Variants in GTPBP8 observed in about 807,000 individuals in gnomAD.
GTPBP8 encodes GTP-binding protein 8.
GTPBP8 carries 21 observed loss-of-function variants against 27.3 expected under a neutral mutation model. The observed-to-expected ratio is 0.77, with a 90% CI of 0.55 to 1.11. The LOEUF is 1.11. GTPBP8 is among the 50% of genes least tolerant of loss of function. The probability of loss-of-function intolerance (pLI) is 0.00; values close to 1 mark genes in which losing one functional copy is unlikely to be tolerated. For missense variants in GTPBP8, 380 were observed against 350.8 expected, an observed-to-expected ratio of 1.08 and a Z score of -0.67; for synonymous variants, 147 against 135.3, an observed-to-expected ratio of 1.09 and a Z score of -0.60.
Position 112,996,915 on chromosome 3 carries a change from T to C in GTPBP8, c.590T>C (p.Val197Ala). ...RRNLKRTFLL[V>A]DSVVGIQKTD... ...AGCTTGAAGAGAACATTTTTATTAGTGGATAGCGTTGTTGGAATTCAAAAA... is the reference window on the plus strand; with the variant it reads ...AGCTTGAAGAGAACATTTTTATTAGCGGATAGCGTTGTTGGAATTCAAAAA... Residue 197 changes from valine (V) to alanine (A), a missense_variant, in exon 4 of 6, where the codon GTG becomes GCG. Transcript: ENST00000383678. 1.3e-6 allele frequency: 2 copies of C among 1,551,244 alleles called. No homozygotes were observed. Among genetic ancestry groups the C allele is most frequent in the South Asian group, 1.1e-5 (1 of 89,176 alleles).
At position 113,001,061 on chromosome 3, in the gene GTPBP8, G is replaced by A. The variant is rs564709276; in HGVS notation, c.*142G>A. The A allele has an allele frequency of 3.6e-6, 2 of 553,546 alleles. No individual in the cohort carries two copies. The highest frequency in any genetic ancestry group is 1.9e-5 in the African/African-American group (1 of 51,846). 34.3% of individuals were successfully genotyped at this position (553,546 alleles called of 1,614,324 possible). On this transcript the variant is annotated 3_prime_UTR_variant, in exon 6 of 6. Transcript: ENST00000383678. ...GAGGATCACTTGAGCTTTAAAACCTGTGCCTTCTCGAAACAAGAATTTGTG... is the reference window on the plus strand; with the variant it reads ...GAGGATCACTTGAGCTTTAAAACCTATGCCTTCTCGAAACAAGAATTTGTG...
At chr3:112,995,694 G>A (rs1454411453) in intron 3 of GTPBP8, among the ~76,000 whole-genome samples, 2 of 151,968 alleles carry the variant, frequency 1.3e-5, no homozygotes, top group Admixed American at 1.3e-4. Context: ...ACGCCACCAT[G>A]CCCGGCTCAT....
intron 1 of GTPBP8, chr3:112,992,114 C>T (rs1193888093): frequency 2.0e-5 from 3 of 152,178 alleles, no homozygotes; most frequent in Admixed American, 2.0e-4. Flanking sequence ...TTTGAGACAG[C>T]CATTGCTTTT....
rs1559709239 is a variant in GTPBP8, at chr3:112,990,993, A to G, written c.-7A>G. On this transcript the variant is annotated 5_prime_UTR_variant, in exon 1 of 6. Coordinates refer to ENST00000383678, the MANE Select transcript of GTPBP8 (RefSeq NM_014170.4). ...AAATCTCTCTGCCCGTCTTCTGGGAAGGGAGAATGGCGGCGCCCGGGCTGC... is the reference window on the plus strand; with the variant it reads ...AAATCTCTCTGCCCGTCTTCTGGGAGGGGAGAATGGCGGCGCCCGGGCTGC... The G allele has an allele frequency of 6.3e-7, 1 of 1,583,474 alleles. No homozygotes were observed. The highest frequency in any genetic ancestry group is 1.7e-5 in the Admixed American group (1 of 57,502).
intron 2 of GTPBP8, among the ~76,000 whole-genome samples, chr3:112,993,654 C>T (rs1933728478): frequency 6.6e-6 from 1 of 152,208 alleles, no homozygotes; most frequent in East Asian, 1.9e-4. Context: ...CTAAGATACC[C>T]TTTCTTCAAA....
intron 2 of GTPBP8, among the ~76,000 whole-genome samples, chr3:112,994,520 CTG>C (rs1240166719): frequency 6.6e-6 from 1 of 151,924 alleles, no homozygotes; most frequent in East Asian, 1.9e-4. Flanking sequence ...TTTTCATCAT[CTG>C]TGCATCAATT....
chr3:112,991,030 G>A lies in GTPBP8; in HGVS notation c.31G>A (p.Gly11Arg), dbSNP rs777344238. Residue 11 changes from glycine (G) to arginine (R), a missense_variant, in exon 1 of 6, where the codon GGA becomes AGA. Coordinates refer to ENST00000383678, the MANE Select transcript of GTPBP8 (RefSeq NM_014170.4). ...GGCGCCCGGGCTGCGGCTGGGAGCG[G>A]GAAGACTCTTTGAAATGCCTGCGGT... MAAPGLRLGA[G>R]RLFEMPAVLE... 53 of 1,602,660 alleles carry A rather than the reference G, an allele frequency of 3.3e-5. No individual in the cohort carries two copies. The highest frequency in any genetic ancestry group is 4.4e-5 in the Non-Finnish European group (52 of 1,172,162).
chr3:112,997,938 T>C (rs979895989), intron 4 of GTPBP8, among the ~76,000 whole-genome samples: 1 of 152,224 alleles, frequency 6.6e-6, no homozygotes, highest in African/African-American at 2.4e-5. Context: ...AAAGGAAATA[T>C]TACTTTCTTC....
chr3:112,999,395 A>G lies in GTPBP8; in HGVS notation c.667-51A>G, dbSNP rs778258570. The G allele has an allele frequency of 4.8e-6, 3 of 629,710 alleles. No homozygotes were observed. In the African/African-American group the frequency reaches 5.6e-5, roughly 12 times the overall value. The allele number at this position is 629,710 out of a possible 1,614,324, so 39.0% of individuals were successfully genotyped here. Reference sequence around the variant, plus strand: ...AAAAATTATAGCTAAAATGTGTAAAATTATTAAGAACCACTTTATTTCTAA... The same window carrying G: ...AAAAATTATAGCTAAAATGTGTAAAGTTATTAAGAACCACTTTATTTCTAA... On this transcript the variant is annotated intron_variant, in intron 4 of 5. Coordinates refer to ENST00000383678, the MANE Select transcript of GTPBP8 (RefSeq NM_014170.4).
chr3:112,991,422 C>T, intron 1 of GTPBP8, 87 bp downstream of exon 1: 1 of 1,238,880 alleles, frequency 8.1e-7, no homozygotes, highest in Non-Finnish European at 1.2e-6. Context: ...GGTGATTTTG[C>T]GGTTGTATTT....
At position 113,000,920 on chromosome 3, in the gene GTPBP8, T is replaced by C; in HGVS notation, c.*1T>C. On this transcript the variant is annotated 3_prime_UTR_variant, in exon 6 of 6. Transcript: ENST00000383678. The stretch of plus-strand genomic sequence containing the variant: ...CAGTGTAACAGGAAGTCTTGACTAA[T>C]GGTTCCCGGTTTAGCTGAAGATTCA... 1.3e-6 allele frequency: 2 copies of C among 1,512,122 alleles called. No homozygotes were observed. The highest frequency in any genetic ancestry group is 1.8e-6 in the Non-Finnish European group (2 of 1,101,842). 93.7% of individuals were successfully genotyped at this position (1,512,122 alleles called of 1,614,324 possible).
rs777174482 is a variant in GTPBP8, at chr3:112,999,576, ATTGTT to A, written c.785+20_785+24del. 5 of 1,017,778 alleles carry A rather than the reference ATTGTT, an allele frequency of 4.9e-6. No individual in the cohort carries two copies. The highest frequency in any genetic ancestry group is 7.3e-6 in the Non-Finnish European group (5 of 684,946). 63.0% of individuals were successfully genotyped at this position (1,017,778 alleles called of 1,614,324 possible). On this transcript the variant is annotated intron_variant, in intron 5 of 5. Coordinates refer to ENST00000383678, the MANE Select transcript of GTPBP8 (RefSeq NM_014170.4). Reference sequence around the variant, plus strand: ...TTGTTTCCTGTAAGGTAAGAGTTGAATTGTTTTGTTTTTTGTTTTTTATGAAGTAA... The same window carrying A: ...TTGTTTCCTGTAAGGTAAGAGTTGAATTGTTTTTTGTTTTTTATGAAGTAA...
Position 113,001,584 on chromosome 3 carries a change from G to A in GTPBP8, c.*665G>A, listed in dbSNP as rs1199663424. ...GATTCAAATGAATGGTTTTACAGCA[G>A]GTAACATGTGAGAAGACAGCTACAT... On this transcript the variant is annotated 3_prime_UTR_variant, in exon 6 of 6. Coordinates refer to ENST00000383678, the MANE Select transcript of GTPBP8 (RefSeq NM_014170.4). The A allele has an allele frequency of 6.6e-6, 1 of 152,068 alleles. No homozygotes were observed. The highest frequency in any genetic ancestry group is 6.5e-5 in the Admixed American group (1 of 15,280). 9.4% of individuals were successfully genotyped at this position (152,068 alleles called of 1,614,324 possible).
Position 112,995,130 on chromosome 3 carries a change from A to G in GTPBP8, c.436-5A>G, listed in dbSNP as rs761494941. The G allele has an allele frequency of 1.8e-5, 28 of 1,583,662 alleles. No homozygotes were observed. Among genetic ancestry groups the G allele is most frequent in the Non-Finnish European group, 2.3e-5 (27 of 1,164,362 alleles). On this transcript the variant is annotated splice_polypyrimidine_tract_variant and splice_region_variant and intron_variant, in intron 2 of 5. Coordinates refer to ENST00000383678, the MANE Select transcript of GTPBP8 (RefSeq NM_014170.4). Reference sequence around the variant, plus strand: ...CAGCTTTTCTTTTTCTATTTACTTTATCAGGGACACACAAAGAAAATGAAT... The same window carrying G: ...CAGCTTTTCTTTTTCTATTTACTTTGTCAGGGACACACAAAGAAAATGAAT...
intron 3 of GTPBP8, among the ~76,000 whole-genome samples, chr3:112,995,945 T>C (rs1422962705): frequency 6.6e-6 from 1 of 152,210 alleles, no homozygotes; most frequent in Non-Finnish European, 1.5e-5. Context: ...GACATCACAT[T>C]TGCTGCAAAT....
intron 2 of GTPBP8, among the ~76,000 whole-genome samples, chr3:112,993,611 CT>C (rs1339952718): frequency 6.6e-6 from 1 of 152,206 alleles, no homozygotes; most frequent in Admixed American, 6.5e-5. Flanking sequence ...ATTCCCTCTA[CT>C]TTCTTCTCAA....
intron 3 of GTPBP8, among the ~76,000 whole-genome samples, chr3:112,995,739 G>A (rs1403850082): frequency 6.6e-6 from 1 of 152,076 alleles, no homozygotes; most frequent in East Asian, 1.9e-4. Context: ...GTTTCACTGT[G>A]TTGGCCAGGC....
intron 1 of GTPBP8, chr3:112,991,740 G>C (rs1933685829): frequency 2.7e-6 from 1 of 369,314 alleles, no homozygotes; most frequent in Non-Finnish European, 5.2e-6. Context: ...GGGAAAACAT[G>C]CCAGACAAAT....
Position 113,000,906 on chromosome 3 carries a change from G to T in GTPBP8, c.842G>T (p.Gly281Val). The T allele has an allele frequency of 6.4e-7, 1 of 1,560,024 alleles. No individual in the cohort carries two copies. Among genetic ancestry groups the T allele is most frequent in the Admixed American group, 1.7e-5 (1 of 58,432 alleles). ...AGATGCTTTATAGCCAGTGTAACAGGAAGTCTTGACTAATGGTTCCCGGTT... is the reference window on the plus strand; with the variant it reads ...AGATGCTTTATAGCCAGTGTAACAGTAAGTCTTGACTAATGGTTCCCGGTT... ...LLRCFIASVT[G>V]SLD Residue 281 changes from glycine to valine, a missense_variant, in exon 6 of 6, where the codon GGA (glycine) becomes GTA (valine). By Grantham distance (109) the Gly-to-Val change is moderately radical (BLOSUM62 -3). Transcript: ENST00000383678.
Sources: allele counts gnomAD v4.1 joint callset (sites outside exome capture counted in the v4.1 genomes callset), GRCh38; gene constraint gnomAD v4.1.1; transcripts MANE v1.5; gene names NCBI Gene and HGNC (gene_info 2026-07-23, HGNC 2026-07-21).